NAV2: variants seen among roughly 807,000 people sequenced by gnomAD.
NAV2 encodes neuron navigator 2, also known as helicase, APC down-regulated 1.
A neutral mutation model predicts 223.2 loss-of-function variants in NAV2; 54 were observed. That is an observed-to-expected ratio of 0.24 (90% CI 0.19 to 0.30). NAV2 has a LOEUF of 0.30. Ranked by LOEUF, NAV2 falls within the 10% of genes least tolerant of loss-of-function variation. NAV2 has a pLI of 1.00. For synonymous variants in NAV2, 1,279 were observed against 1,239.3 expected (o/e 1.03, Z -0.67); for missense variants, 2,806 against 3,147.5 (o/e 0.89, Z 2.60).
rs368492724 is a variant in NAV2 at position 20,044,250 on chromosome 11, C to T, written c.3177C>T (p.Gly1059=). 2.1e-5 allele frequency: 34 copies of T among 1,611,676 alleles called. No individual in the cohort carries two copies. Among genetic ancestry groups the T allele is most frequent in the Middle Eastern group, 3.3e-4 (2 of 6,052 alleles). The change falls in exon 13 of 38, where the codon GGC becomes GGT. Residue 1059 remains glycine, a synonymous_variant. Coordinates refer to ENST00000349880, the MANE Select transcript of NAV2 (RefSeq NM_145117.5). ...MPRTKPSAPA[G]ALKTPGTGKT... ...GGACGAAGCCTTCAGCCCCGGCAGG[C>T]GCACTGAAGACCCCAGGAACTGGTA...
chr11:20,116,730 G>A (rs2063127469), intron 37 of NAV2, among the ~76,000 whole-genome samples: 1 of 152,170 alleles, frequency 6.6e-6, no homozygotes, highest in Non-Finnish European at 1.5e-5. Context: ...AGTGAGCTGT[G>A]CCAGTCCAGC....
At chr11:19,444,571 T>C (rs1320459086) in intron 1 of NAV2, among the ~76,000 whole-genome samples, 1 of 152,288 alleles carries the variant, frequency 6.6e-6, no homozygotes, top group African/African-American at 2.4e-5. Context: ...ACTGCCCACC[T>C]GCTCCTCCCC....
At chr11:19,923,147 G>C (rs6483620) in intron 6 of NAV2, among the ~76,000 whole-genome samples, 86,993 of 151,842 alleles carry the variant, frequency 0.57, 25,334 homozygotes, top group South Asian at 0.72. Flanking sequence ...CTTTTTAATT[G>C]TCCTCGTAAG....
At chr11:19,666,137 G>T (rs1377087773) in intron 1 of NAV2, among the ~76,000 whole-genome samples, 2 of 152,138 alleles carry the variant, frequency 1.3e-5, no homozygotes, top group Admixed American at 1.3e-4. Flanking sequence ...AAATAACAAA[G>T]AATCAGTGTA....
chr11:19,374,192 G>C (rs908177246), intron 1 of NAV2, among the ~76,000 whole-genome samples: 9 of 150,216 alleles, frequency 6.0e-5, no homozygotes, highest in Non-Finnish European at 1.3e-4. Flanking sequence ...TTGCTTTCTT[G>C]TTTTTCACTA....
At chr11:19,650,367 G>T (rs1390444019) in intron 1 of NAV2, among the ~76,000 whole-genome samples, 3 of 152,176 alleles carry the variant, frequency 2.0e-5, no homozygotes, top group Non-Finnish European at 4.4e-5. Flanking sequence ...GTCAGAAGCT[G>T]GAAGAGACAA....
At chr11:20,006,172 G>T (rs2053051073) in intron 11 of NAV2, among the ~76,000 whole-genome samples, 2 of 152,102 alleles carry the variant, frequency 1.3e-5, no homozygotes, top group Non-Finnish European at 2.9e-5. Flanking sequence ...TCTTTCAAAG[G>T]TCTTTCAGTT....
At chr11:19,387,535 A>G (rs1450446390) in intron 1 of NAV2, among the ~76,000 whole-genome samples, 1 of 152,100 alleles carries the variant, frequency 6.6e-6, no homozygotes, top group Non-Finnish European at 1.5e-5. Context: ...TTGCTAGCCA[A>G]GTGGAACGGA....
intron 6 of NAV2, among the ~76,000 whole-genome samples, chr11:19,913,466 T>G (rs1238102162): frequency 2.0e-5 from 3 of 152,214 alleles, no homozygotes; most frequent in Non-Finnish European, 4.4e-5. Context: ...TCTGGCTAGC[T>G]TTCTTAAGCT....
chr11:20,062,510 C>T (rs2058770217), intron 20 of NAV2, 151 bp downstream of exon 20: 1 of 642,046 alleles, frequency 1.6e-6, no homozygotes, highest in East Asian at 2.8e-5. Flanking sequence ...TTAAAATTCA[C>T]AAACAGCTAT....
intron 1 of NAV2, among the ~76,000 whole-genome samples, chr11:19,359,138 T>C (rs1285753304): frequency 6.6e-6 from 1 of 152,210 alleles, no homozygotes; most frequent in Non-Finnish European, 1.5e-5. Flanking sequence ...CTGAGTTAGA[T>C]TCTTTGTGGC....
chr11:19,778,210 G>A (rs1304472273), intron 1 of NAV2: 4 of 402,742 alleles, frequency 9.9e-6, no homozygotes, highest in Non-Finnish European at 2.0e-5. Context: ...GAAATCTCTG[G>A]GTTTTGCTTT....
intron 6 of NAV2, among the ~76,000 whole-genome samples, chr11:19,897,192 A>T (rs946571861): frequency 6.6e-6 from 1 of 151,994 alleles, no homozygotes; most frequent in East Asian, 1.9e-4. Flanking sequence ...ATGAGAACAC[A>T]TGAACACAGG....
intron 1 of NAV2, among the ~76,000 whole-genome samples, chr11:19,652,578 C>T (rs1374553293): frequency 6.6e-6 from 1 of 152,170 alleles, no homozygotes; most frequent in African/African-American, 2.4e-5. Flanking sequence ...CCCTTTTCTC[C>T]CTTAGCTTCC....
At chr11:19,381,023 A>C (rs1486373226) in intron 1 of NAV2, among the ~76,000 whole-genome samples, 1 of 152,174 alleles carries the variant, frequency 6.6e-6, no homozygotes, top group Admixed American at 6.5e-5. Flanking sequence ...AGTGGTTTCC[A>C]GTGTTTCTTG....
chr11:19,478,796 C>T (rs1233239327), intron 1 of NAV2, among the ~76,000 whole-genome samples: 5 of 152,220 alleles, frequency 3.3e-5, no homozygotes, highest in Admixed American at 3.3e-4. Flanking sequence ...TCTGCTGTCC[C>T]AAGGCAAGTC....
intron 1 of NAV2, among the ~76,000 whole-genome samples, chr11:19,407,966 T>C (rs1849973364): frequency 6.6e-6 from 1 of 152,106 alleles, no homozygotes; most frequent in African/African-American, 2.4e-5. Context: ...CCCCCCAAGA[T>C]GCGTACTCCC....
chr11:19,804,194 G>A (rs1042633224), intron 1 of NAV2, among the ~76,000 whole-genome samples: 24 of 152,098 alleles, frequency 1.6e-4, no homozygotes, highest in Admixed American at 7.2e-4. Flanking sequence ...GTTCATACTC[G>A]TTTTATAAGT....
At chr11:19,621,625 G>A (rs924723477) in intron 1 of NAV2, among the ~76,000 whole-genome samples, 27 of 152,020 alleles carry the variant, frequency 1.8e-4, no homozygotes, top group East Asian at 5.8e-4. Flanking sequence ...TTTTTATTGC[G>A]TCTATTTGAT....
Sources: gnomAD v4.1 joint callset for allele counts (sites outside exome capture counted in the v4.1 genomes callset) on GRCh38, gnomAD v4.1.1 for gene constraint, MANE v1.5 for transcripts, NCBI Gene and HGNC (gene_info 2026-07-23, HGNC 2026-07-21) for gene names.